Variants in ATP8A2 observed in about 807,000 individuals in gnomAD.
ATP8A2 encodes phospholipid-transporting ATPase IB.
Under a neutral mutation model 165.6 loss-of-function variants are expected in ATP8A2, and 100 were observed. The ratio of observed to expected loss-of-function variants is 0.60; its 90% CI spans 0.51 to 0.71. ATP8A2 has a LOEUF of 0.71. ATP8A2 is among the 30% of genes least tolerant of loss of function. The pLI is 0.00. For missense variants in ATP8A2, 1,227 were observed against 1,479.5 expected, an observed-to-expected ratio of 0.83 and a Z score of 2.80; for synonymous variants, 543 against 548.8, an observed-to-expected ratio of 0.99 and a Z score of 0.15.
chr13:25,491,376 T>G (rs931439870), intron 2 of ATP8A2, among the ~76,000 whole-genome samples: 2 of 151,942 alleles, frequency 1.3e-5, no homozygotes, highest in African/African-American at 2.4e-5. Flanking sequence ...ATTCTGGAGT[T>G]AGTTAGTTTA....
chr13:25,759,079 C>T (rs2044325664), intron 25 of ATP8A2, among the ~76,000 whole-genome samples: 1 of 152,108 alleles, frequency 6.6e-6, no homozygotes, highest in Non-Finnish European at 1.5e-5. Flanking sequence ...TGCAAACTAC[C>T]TGCCTGAGTG....
chr13:25,583,845 T>G (rs1371721311), intron 23 of ATP8A2, among the ~76,000 whole-genome samples: 1 of 103,474 alleles, frequency 9.7e-6, no homozygotes, highest in Admixed American at 8.6e-5. Flanking sequence ...TCTAAGTGGG[T>G]GTAGTAACGT....
At chr13:25,681,802 T>TC (rs1243378594) in intron 24 of ATP8A2, among the ~76,000 whole-genome samples, 2 of 152,202 alleles carry the variant, frequency 1.3e-5, no homozygotes, top group Non-Finnish European at 2.9e-5. Context: ...AAAATGATCA[T>TC]CTTAGATGTT....
At chr13:25,773,728 A>G (rs2044677404) in intron 26 of ATP8A2, among the ~76,000 whole-genome samples, 1 of 151,990 alleles carries the variant, frequency 6.6e-6, no homozygotes, top group Non-Finnish European at 1.5e-5. Context: ...GTACATGTGT[A>G]TTTGTATGAG....
intron 1 of ATP8A2, among the ~76,000 whole-genome samples, chr13:25,407,986 G>C (rs906211796): frequency 6.6e-6 from 1 of 152,080 alleles, no homozygotes; most frequent in Non-Finnish European, 1.5e-5. Flanking sequence ...CCTCGATGAC[G>C]GGTTGGTCAG....
chr13:25,528,590 G>T lies in ATP8A2; in HGVS notation c.222-1409G>T, dbSNP rs113287382. 5.0e-3 allele frequency among the ~76,000 whole-genome samples: 759 copies of T among 152,266 alleles called. 7 individuals carry two copies. Among genetic ancestry groups the T allele is most frequent in the African/African-American group, 0.018 (737 of 41,548 alleles). ...GTGTACTTTGCTTCTGGTGTATTCT[G>T]TCTCCTGAGCCCTTCGCCCTTCTAT... On this transcript the variant is annotated intron_variant, in intron 2 of 36. Coordinates refer to ENST00000381655, the MANE Select transcript of ATP8A2 (RefSeq NM_016529.6).
chr13:25,525,798 A>C (rs1296009419), intron 2 of ATP8A2, among the ~76,000 whole-genome samples: 1 of 152,064 alleles, frequency 6.6e-6, no homozygotes, highest in Non-Finnish European at 1.5e-5. Context: ...TATTTGGGTC[A>C]GATCTGTTTG....
intron 35 of ATP8A2, among the ~76,000 whole-genome samples, chr13:25,998,318 G>A (rs954805869): frequency 1.3e-5 from 2 of 152,180 alleles, no homozygotes; most frequent in African/African-American, 4.8e-5. Context: ...AAGGATCCCT[G>A]CTTGGTCTTC....
At chr13:25,580,980 T>G (rs2039760330) in intron 22 of ATP8A2, among the ~76,000 whole-genome samples, 1 of 152,240 alleles carries the variant, frequency 6.6e-6, no homozygotes, top group East Asian at 1.9e-4. Flanking sequence ...GTCATTTTAA[T>G]GTACTGAATT....
At chr13:25,604,971 CA>C (rs1235722585) in intron 24 of ATP8A2, among the ~76,000 whole-genome samples, 4 of 152,174 alleles carry the variant, frequency 2.6e-5, no homozygotes, top group African/African-American at 9.7e-5. Context: ...CTTGACTTAC[CA>C]CTGTTGGCTT....
intron 1 of ATP8A2, among the ~76,000 whole-genome samples, chr13:25,453,572 G>A (rs1329050675): frequency 6.6e-6 from 1 of 152,170 alleles, no homozygotes; most frequent in East Asian, 1.9e-4. Context: ...CTAGTGACTA[G>A]GGTGCCTGCC....
intron 33 of ATP8A2, chr13:25,871,110 GT>G (rs1463929026): frequency 7.2e-3 from 1,423 of 197,726 alleles, no homozygotes; most frequent in South Asian, 0.015. Flanking sequence ...TGATTGAGTG[GT>G]TTTTTTTTTT....
chr13:25,856,495 A>T (rs1290591647), intron 30 of ATP8A2, among the ~76,000 whole-genome samples: 2 of 152,232 alleles, frequency 1.3e-5, no homozygotes, highest in East Asian at 3.8e-4. Flanking sequence ...ACTCCCATAT[A>T]TTCATGTAAC....
At chr13:25,382,107 C>T (rs1460691741) in intron 1 of ATP8A2, among the ~76,000 whole-genome samples, 3 of 152,166 alleles carry the variant, frequency 2.0e-5, no homozygotes, top group Middle Eastern at 3.2e-3. Flanking sequence ...CTCTAACCTC[C>T]GGCAACCACT....
chr13:25,928,925 A>G (rs1251658084), intron 33 of ATP8A2, among the ~76,000 whole-genome samples: 1 of 152,178 alleles, frequency 6.6e-6, no homozygotes, highest in African/African-American at 2.4e-5. Flanking sequence ...TCGACCCCTG[A>G]GCTCATGTGC....
intron 25 of ATP8A2, among the ~76,000 whole-genome samples, chr13:25,723,364 A>G (rs1209343957): frequency 2.6e-5 from 4 of 152,100 alleles, no homozygotes; most frequent in Admixed American, 1.3e-4. Flanking sequence ...ATTAAATGCT[A>G]TCTCCTTTCT....
intron 5 of ATP8A2, 110 bp from the exon 6 acceptor site, chr13:25,533,163 G>T: frequency 1.5e-6 from 1 of 678,294 alleles, no homozygotes; most frequent in South Asian, 1.6e-5. Context: ...GCTAAAGATA[G>T]GGTATGTTAG....
At chr13:25,530,158 C>T (rs2037984494) in intron 3 of ATP8A2, 60 bp downstream of exon 3, 3 of 1,069,096 alleles carry the variant, frequency 2.8e-6, no homozygotes, top group Non-Finnish European at 4.3e-6. Flanking sequence ...TGAGATTTTG[C>T]TAAAGGTTCC....
chr13:25,784,712 G>A (rs1009205585), intron 27 of ATP8A2, among the ~76,000 whole-genome samples: 2 of 151,954 alleles, frequency 1.3e-5, no homozygotes, highest in African/African-American at 4.8e-5. Context: ...AATCTTTCCC[G>A]GTGTAATTTT....
Sources: allele counts gnomAD v4.1 joint callset (sites outside exome capture counted in the v4.1 genomes callset), GRCh38; gene constraint gnomAD v4.1.1; transcripts MANE v1.5; gene names NCBI Gene and HGNC (gene_info 2026-07-23, HGNC 2026-07-21).